Variants in INPP4B observed in about 807,000 individuals in gnomAD.
INPP4B encodes the protein inositol polyphosphate 4-phosphatase type II.
A neutral mutation model predicts 122.5 loss-of-function variants in INPP4B; 55 were observed. The ratio of observed to expected loss-of-function variants is 0.45; its 90% CI spans 0.36 to 0.56. INPP4B has a LOEUF of 0.56. Among genes scored for constraint, INPP4B ranks in the 20% least tolerant of loss-of-function variants. INPP4B has a pLI of 0.00. For synonymous variants in INPP4B, 403 were observed against 388.7 expected (o/e 1.04, Z -0.43); for missense variants, 1,000 against 1,097.7 (o/e 0.91, Z 1.26).
At chr4:142,802,936 G>A (rs987150542) in intron 1 of INPP4B, among the ~76,000 whole-genome samples, 4 of 151,842 alleles carry the variant, frequency 2.6e-5, no homozygotes, top group Non-Finnish European at 4.4e-5. Flanking sequence ...TTGGGAGGCC[G>A]AGGCAGGTGG....
At chr4:142,318,411 T>G (rs1167433278) in intron 7 of INPP4B, among the ~76,000 whole-genome samples, 1 of 152,154 alleles carries the variant, frequency 6.6e-6, no homozygotes, top group Non-Finnish European at 1.5e-5. Context: ...GCAAAGGCTG[T>G]CACTGTAGCA....
At chr4:142,079,263 C>T (rs1183275203) in intron 25 of INPP4B, among the ~76,000 whole-genome samples, 2 of 151,840 alleles carry the variant, frequency 1.3e-5, no homozygotes, top group African/African-American at 4.8e-5. Context: ...TACATTATAC[C>T]CAACAGGTAG....
chr4:142,479,575 A>G (rs76009043), intron 2 of INPP4B, among the ~76,000 whole-genome samples: 1,637 of 152,226 alleles, frequency 0.011, 31 homozygotes, highest in African/African-American at 0.037. Flanking sequence ...CCCCATCAAC[A>G]GTAGACTAGA....
intron 2 of INPP4B, among the ~76,000 whole-genome samples, chr4:142,699,687 T>C (rs1761471306): frequency 6.6e-6 from 1 of 152,200 alleles, no homozygotes. Flanking sequence ...TCCATCTTTA[T>C]GTCTCTCTGA....
In INPP4B at chr4:142,431,282, A is replaced by G; in HGVS notation, c.-23T>C. 6.3e-7 allele frequency: 1 copy of G among 1,576,188 alleles called. No homozygotes were observed. ...CATGATCAACCTTCACAGTTTTAAA[A>G]TTTTCCAAATTTTCTTGTCCAAATG... On this transcript the variant is annotated 5_prime_UTR_variant, in exon 4 of 26. Coordinates refer to ENST00000262992, the MANE Select transcript of INPP4B (RefSeq NM_001101669.3).
At chr4:142,508,914 T>C (rs1824362177) in intron 2 of INPP4B, among the ~76,000 whole-genome samples, 1 of 152,168 alleles carries the variant, frequency 6.6e-6, no homozygotes, top group South Asian at 2.1e-4. Context: ...AATCCAAATG[T>C]TAAAGCCATG....
intron 18 of INPP4B, among the ~76,000 whole-genome samples, chr4:142,133,639 C>T (rs1439958647): frequency 6.6e-6 from 1 of 152,210 alleles, no homozygotes; most frequent in Non-Finnish European, 1.5e-5. Flanking sequence ...AAAGCCTCTA[C>T]ATGATCCTTC....
chr4:142,329,607 A>G (rs1561863072), intron 7 of INPP4B, among the ~76,000 whole-genome samples: 1 of 152,230 alleles, frequency 6.6e-6, no homozygotes, highest in Non-Finnish European at 1.5e-5. Flanking sequence ...CTTATTTATC[A>G]TCATTCCTCT....
At chr4:142,382,049 G>T (rs114654898) in intron 7 of INPP4B, among the ~76,000 whole-genome samples, 1 of 151,926 alleles carries the variant, frequency 6.6e-6, no homozygotes, top group Non-Finnish European at 1.5e-5. Flanking sequence ...AGAAAAAAAC[G>T]TATCTAATTC....
chr4:142,499,077 T>C (rs1033092105), intron 2 of INPP4B, among the ~76,000 whole-genome samples: 15 of 152,290 alleles, frequency 9.8e-5, no homozygotes, highest in Non-Finnish European at 2.2e-4. Context: ...GACTTTTCCC[T>C]GTAGGGACTG....
At chr4:142,310,678 T>TC (rs1243878431) in intron 8 of INPP4B, among the ~76,000 whole-genome samples, 1 of 56,312 alleles carries the variant, frequency 1.8e-5, no homozygotes, top group South Asian at 7.9e-4. Flanking sequence ...GCCCCAGTAC[T>TC]TTTTTTTTTT....
chr4:142,379,075 A>G (rs1421074024), intron 7 of INPP4B, among the ~76,000 whole-genome samples: 1 of 152,160 alleles, frequency 6.6e-6, no homozygotes, highest in Non-Finnish European at 1.5e-5. Context: ...AAATGCCGAT[A>G]TAACTATCAG....
chr4:142,152,599 CTTTCT>C (rs1358897747), intron 17 of INPP4B, among the ~76,000 whole-genome samples: 1 of 151,924 alleles, frequency 6.6e-6, no homozygotes, highest in African/African-American at 2.4e-5. Flanking sequence ...ATTTCTTCTT[CTTTCT>C]TTTATTTTTA....
intron 2 of INPP4B, among the ~76,000 whole-genome samples, chr4:142,623,528 A>T (rs1745465243): frequency 6.6e-6 from 1 of 151,720 alleles, no homozygotes; most frequent in Non-Finnish European, 1.5e-5. Context: ...CAACATTTCC[A>T]TTCCTTGTTA....
At chr4:142,269,873 T>C (rs1744908855) in intron 10 of INPP4B, among the ~76,000 whole-genome samples, 1 of 152,162 alleles carries the variant, frequency 6.6e-6, no homozygotes, top group Non-Finnish European at 1.5e-5. Context: ...AAATGCTCAT[T>C]TATTAAAAGG....
intron 15 of INPP4B, among the ~76,000 whole-genome samples, chr4:142,185,416 A>C (rs998973293): frequency 2.6e-5 from 4 of 151,412 alleles, no homozygotes. Context: ...ATATATATAT[A>C]TATCTCATCA....
chr4:142,587,053 T>A lies in INPP4B; in HGVS notation c.-190-124327A>T, dbSNP rs180899796. Among the ~76,000 whole-genome samples, 511 of 152,242 alleles carry A rather than the reference T, an allele frequency of 3.4e-3. 4 individuals are homozygous for A. The highest frequency in any genetic ancestry group is 3.5e-3 in the Non-Finnish European group (241 of 68,010). ...CAAAATGGGGAGGCTTTGATGGGAATCACATGGTAAACTGTGAATAAGTTT... is the reference window on the plus strand; with the variant it reads ...CAAAATGGGGAGGCTTTGATGGGAAACACATGGTAAACTGTGAATAAGTTT... On this transcript the variant is annotated intron_variant, in intron 2 of 25. Transcript: ENST00000262992.
At chr4:142,464,178 C>A (rs1053529360) in intron 2 of INPP4B, among the ~76,000 whole-genome samples, 2 of 152,052 alleles carry the variant, frequency 1.3e-5, no homozygotes, top group Non-Finnish European at 2.9e-5. Context: ...AAACAATTTA[C>A]TATTATATAT....
At chr4:142,488,790 G>T (rs983348947) in intron 2 of INPP4B, among the ~76,000 whole-genome samples, 14 of 151,934 alleles carry the variant, frequency 9.2e-5, no homozygotes, top group Non-Finnish European at 2.1e-4. Context: ...CCTTGCTGAG[G>T]TGCATCCTTC....
Sources: gnomAD v4.1 joint callset for allele counts (sites outside exome capture counted in the v4.1 genomes callset) on GRCh38, gnomAD v4.1.1 for gene constraint, MANE v1.5 for transcripts, NCBI Gene and HGNC (gene_info 2026-07-23, HGNC 2026-07-21) for gene names.